The following OBSL1 variants were observed in gnomAD, a reference collection of about 807,000 sequenced individuals.
OBSL1 encodes the protein obscurin like cytoskeletal adaptor 1, also known as obscurin-like protein 1.
A neutral mutation model predicts 172.0 loss-of-function variants in OBSL1; 160 were observed. That is an observed-to-expected ratio of 0.93 (90% CI 0.82 to 1.06). OBSL1 has a LOEUF of 1.06. Among genes scored for constraint, OBSL1 ranks in the 50% least tolerant of loss-of-function variants. OBSL1 has a pLI of 0.00. For synonymous variants in OBSL1, 1,200 were observed against 1,196.3 expected, an observed-to-expected ratio of 1.00 and a Z score of -0.06; for missense variants, 2,681 against 2,715.4, an observed-to-expected ratio of 0.99 and a Z score of 0.28.
At chr2:219,555,916 C>T (rs1192311181) in intron 14 of OBSL1, 104 bp downstream of exon 14, 4 of 1,504,970 alleles carry the variant, frequency 2.7e-6, no homozygotes, top group African/African-American at 1.4e-5. Context: ...TGACTTTTCT[C>T]AGCGATGAGG....
In OBSL1 at chr2:219,558,227, A is replaced by C. The variant is rs1253718733; in HGVS notation, c.3459T>G (p.Cys1153Trp). The change falls in exon 10 of 21, where the codon TGT (cysteine) becomes TGG (tryptophan). Residue 1153 changes from cysteine to tryptophan, a missense_variant. Coordinates refer to ENST00000404537, the MANE Select transcript of OBSL1 (RefSeq NM_015311.3). ...AQPEDAGEYVCETRHEAITFN... is the reference protein window; with the variant it reads ...AQPEDAGEYVWETRHEAITFN... The stretch of plus-strand genomic sequence containing the variant: ...AGGTGATGGCCTCATGCCGGGTCTC[A>C]CACACATACTCCCCGGCGTCCTCAG... The C allele has an allele frequency of 6.2e-7, 1 of 1,610,330 alleles. No individual in the cohort carries two copies. Among genetic ancestry groups the C allele is most frequent in the Non-Finnish European group, 8.5e-7 (1 of 1,177,504 alleles).
chr2:219,558,375 TCA>T lies in OBSL1; in HGVS notation c.3309_3310del (p.Cys1103Ter). The T allele has an allele frequency of 1.2e-6, 2 of 1,611,042 alleles. No individual in the cohort carries two copies. Among genetic ancestry groups the T allele is most frequent in the Non-Finnish European group, 1.7e-6 (2 of 1,179,200 alleles). On this transcript the variant is annotated stop_gained and frameshift_variant, in exon 10 of 21. Transcript: ENST00000404537. LOFTEE classifies it high-confidence loss of function. ...CACCTGAGACCCAGCTGGGGCCACC[TCA>T]CAGCGCAGCTCCACGCGCCCTGGAG...
chr2:219,552,581 C>T lies in OBSL1; in HGVS notation c.5263G>A (p.Gly1755Ser), dbSNP rs1402583750. 5 of 1,591,968 alleles carry T rather than the reference C, an allele frequency of 3.1e-6. No homozygotes were observed. The highest frequency in any genetic ancestry group is 4.5e-5 in the East Asian group (2 of 44,402). The change falls in exon 18 of 21, where the codon GGC becomes AGC. Residue 1755 changes from glycine to serine, a missense_variant. By Grantham distance (56) the Gly-to-Ser change is moderately conservative. Coordinates refer to ENST00000404537, the MANE Select transcript of OBSL1 (RefSeq NM_015311.3). ...CGGGCTCCGGGTCTCAGCGGGCGGC[C>T]TCCGAGCTCCCAGCGCCCCGTGGTC... ...VETTGRWELG[G>S]RPLRPGARVR...
intron 6 of OBSL1, 89 bp from the exon 7 acceptor site, chr2:219,563,716 C>A: frequency 2.8e-6 from 4 of 1,417,054 alleles, no homozygotes; most frequent in South Asian, 1.3e-5. Flanking sequence ...TGTTTCTGCA[C>A]AAGAGGACAC....
chr2:219,559,504 G>C lies in OBSL1; in HGVS notation c.2954-7C>G, dbSNP rs1696305125. ...ATGATCCGCACTGGGGGTTCTGCAG[G>C]GTGGGGACAACCACAGCCTGTCACA... On this transcript the variant is annotated splice_region_variant and splice_polypyrimidine_tract_variant and intron_variant, in intron 8 of 20. Coordinates refer to ENST00000404537, the MANE Select transcript of OBSL1 (RefSeq NM_015311.3). The C allele has an allele frequency of 1.2e-6, 2 of 1,602,708 alleles. No individual in the cohort carries two copies. Among genetic ancestry groups the C allele is most frequent in the African/African-American group, 2.7e-5 (2 of 74,830 alleles).
Position 219,570,523 on chromosome 2 carries a change from G to A in OBSL1, c.710C>T (p.Pro237Leu). 6.2e-7 allele frequency: 1 copy of A among 1,610,068 alleles called. No individual in the cohort carries two copies. The highest frequency in any genetic ancestry group is 8.5e-7 in the Non-Finnish European group (1 of 1,178,626). ...CACCACCGGCGCGGGGGCCTCGTCG[G>A]GGTCCGCGGGCGGGCTCTCGGGGGG... is the stretch of plus-strand genomic sequence containing the variant. The part of the protein sequence containing the change: ...HQPPESPPAD[P>L]DEAPAPVVEP... The change falls in exon 1 of 21, where the codon CCC (proline) becomes CTC (leucine). Residue 237 changes from proline (P) to leucine (L), a missense_variant. Pro to Leu is a moderately conservative substitution (Grantham distance 98, BLOSUM62 -3). Coordinates refer to ENST00000404537, the MANE Select transcript of OBSL1 (RefSeq NM_015311.3).
chr2:219,556,844 C>A, intron 12 of OBSL1, 121 bp from the exon 13 acceptor site: 1 of 1,113,064 alleles, frequency 9.0e-7, no homozygotes. Context: ...TGAGGACCTA[C>A]TATGTATCGA....
rs977217365 is a variant in OBSL1, at chr2:219,559,223, A to G, written c.3226+2T>C. ...CCTCTCTGTGCTGCAGAGACTGCCC[A>G]CCTGTGACAGTGACAGTGAAGAAGG... is the stretch of plus-strand genomic sequence containing the variant. On this transcript the variant is annotated splice_donor_variant, in intron 9 of 20. Transcript: ENST00000404537. LOFTEE classifies it high-confidence loss of function. 2 of 1,598,196 alleles carry G rather than the reference A, an allele frequency of 1.3e-6. No homozygotes were observed. The highest frequency in any genetic ancestry group is 1.7e-6 in the Non-Finnish European group (2 of 1,169,430).
chr2:219,568,776 G>A lies in OBSL1; in HGVS notation c.1013-452C>T, dbSNP rs1244865118. ...CTTTTTTTTTTTGAGATGGAGTCTC[G>A]CTCTGTTGCCCAGGCTGGAGTGCAG... On this transcript the variant is annotated intron_variant, in intron 1 of 20. Transcript: ENST00000404537. This position sits in a 1 kb window ranked among gnomAD's most constrained non-coding sequence, Gnocchi z 4.1. Among the ~76,000 whole-genome samples, 8 of 150,946 alleles carry A rather than the reference G, an allele frequency of 5.3e-5. No homozygotes were observed. The highest frequency in any genetic ancestry group is 8.8e-5 in the Non-Finnish European group (6 of 67,812).
chr2:219,551,036 C>G, intron 20 of OBSL1, 194 bp from the exon 21 acceptor site: 1 of 1,443,310 alleles, frequency 6.9e-7, no homozygotes, highest in Non-Finnish European at 9.1e-7. Context: ...AGCGCGGCAC[C>G]TGAAGGGAAT....
chr2:219,563,277 G>T, intron 7 of OBSL1, 78 bp downstream of exon 7: 1 of 1,402,648 alleles, frequency 7.1e-7, no homozygotes, highest in Non-Finnish European at 9.5e-7. Flanking sequence ...AGTGGCCTGG[G>T]AGTGAAGGTG....
chr2:219,560,963 C>T (rs950448806), intron 8 of OBSL1, among the ~76,000 whole-genome samples: 1 of 152,180 alleles, frequency 6.6e-6, no homozygotes, highest in Non-Finnish European at 1.5e-5. Context: ...TTTGTGTGAA[C>T]TTCCCTGTGA....
downstream of OBSL1, chr2:219,549,451 G>C: frequency 4.9e-6 from 7 of 1,430,426 alleles, no homozygotes; most frequent in Non-Finnish European, 6.6e-6. Context: ...TTGCTATCTA[G>C]AAGGCCTGTT....
At chr2:219,563,753 T>C in intron 6 of OBSL1, 126 bp from the exon 7 acceptor site, 3 of 1,046,110 alleles carry the variant, frequency 2.9e-6, no homozygotes, top group Non-Finnish European at 4.2e-6. Context: ...TCCTGCTGTG[T>C]AGGGACTCAG....
chr2:219,552,686 C>G lies in OBSL1; in HGVS notation c.5158G>C (p.Ala1720Pro), dbSNP rs1695719130. ...VRLTVRERTVAVLSELRSVSA... is the reference protein window; with the variant it reads ...VRLTVRERTVPVLSELRSVSA... ...ACCGACCGCAGCTCGGAGAGTACCG[C>G]CACAGTACGCTCTGGGGCGGAGCCC... Residue 1720 changes from alanine to proline, a missense_variant, in exon 18 of 21, where the codon GCG becomes CCG. Ala to Pro is a conservative substitution (Grantham distance 27, BLOSUM62 -1). Coordinates refer to ENST00000404537, the MANE Select transcript of OBSL1 (RefSeq NM_015311.3). 1 of 1,531,038 alleles carries G rather than the reference C, an allele frequency of 6.5e-7. No individual in the cohort carries two copies. Among genetic ancestry groups the G allele is most frequent in the African/African-American group, 1.4e-5 (1 of 72,798 alleles). The allele number at this position is 1,531,038 out of a possible 1,614,324, so 94.8% of individuals were successfully genotyped here. A position where few individuals can be genotyped will look rare whatever the true frequency, so the allele number is the denominator to read the frequency against.
At chr2:219,551,867 T>C in intron 19 of OBSL1, 69 bp from the exon 20 acceptor site, 6 of 1,051,596 alleles carry the variant, frequency 5.7e-6, no homozygotes, top group East Asian at 2.4e-5. Context: ...AGATGCATCT[T>C]CCCTCCCTGA....
In OBSL1 at chr2:219,554,705, C is replaced by T. The variant is rs370888850; in HGVS notation, c.4645G>A (p.Val1549Met). ...GCACTGCCCCCCTCACTGATGGTCA[C>T]GTCCTCCAGAGGCCGCAGCACCCTC... ...QLRVLRPLED[V>M]TISEGGSATF... is the part of the protein sequence containing the mutation. The change falls in exon 15 of 21, where the codon GTG (valine) becomes ATG (methionine). Residue 1549 changes from valine to methionine, a missense_variant. By Grantham distance (21) the Val-to-Met change is conservative. Around this residue, in one of 5 missense-constraint regions of OBSL1, gnomAD observed 1,765 missense variants for 1,748.3 expected, o/e 1.01. Transcript: ENST00000404537. The T allele has an allele frequency of 2.7e-5, 43 of 1,574,990 alleles. 1 individual carries two copies. The Middle Eastern group carries it at 5.0e-4, about 18-fold the overall frequency.
intron 20 of OBSL1, 118 bp from the exon 21 acceptor site, chr2:219,550,960 C>A: frequency 6.5e-7 from 1 of 1,538,938 alleles, no homozygotes; most frequent in Non-Finnish European, 8.7e-7. Context: ...CTGCCCTACC[C>A]TTTCTGGGCC....
At chr2:219,548,577 G>C (rs1695445282), downstream of OBSL1, among the ~76,000 whole-genome samples, 1 of 152,226 alleles carries the variant, frequency 6.6e-6, no homozygotes, top group African/African-American at 2.4e-5. Context: ...GCAAGGGCGA[G>C]GGCCCTGAGA....
Sources: allele counts gnomAD v4.1 joint callset (sites outside exome capture counted in the v4.1 genomes callset), GRCh38; gene constraint gnomAD v4.1.1; regional missense constraint gnomAD v4.1.1; non-coding constraint Gnocchi (gnomAD v3.1); transcripts MANE v1.5; gene names NCBI Gene and HGNC (gene_info 2026-07-23, HGNC 2026-07-21).